Variants in GRIN2B observed in about 807,000 individuals in gnomAD.
GRIN2B encodes glutamate ionotropic receptor NMDA type subunit 2B, also known as glutamate receptor ionotropic, NMDA 2B.
Under a neutral mutation model 114.5 loss-of-function variants are expected in GRIN2B, and 5 were observed. The ratio of observed to expected loss-of-function variants is 0.04; its 90% confidence interval spans 0.02 to 0.09. The LOEUF is 0.09. Among genes scored for constraint, GRIN2B ranks in the 10% least tolerant of loss-of-function variants. The pLI, the probability that GRIN2B is intolerant of heterozygous loss-of-function variation, is 1.00. For missense variants in GRIN2B, 1,108 were observed against 1,943.5 expected (o/e 0.57, Z 8.08); for synonymous variants, 787 against 745.1 (o/e 1.06, Z -0.92).
At chr12:13,584,168 G>C (rs1454344417) in intron 10 of GRIN2B, among the ~76,000 whole-genome samples, 1 of 152,058 alleles carries the variant, frequency 6.6e-6, no homozygotes, top group Non-Finnish European at 1.5e-5. Flanking sequence ...AGCCACACTG[G>C]CTTCCTCGCA....
rs1330973975 is a variant in GRIN2B at position 13,564,135 on chromosome 12, G to C, written c.3103C>G (p.Leu1035Val). The C allele has an allele frequency of 6.2e-7, 1 of 1,614,194 alleles. No individual in the cohort carries two copies. The highest frequency in any genetic ancestry group is 8.5e-7 in the Non-Finnish European group (1 of 1,180,038). Residue 1035 changes from leucine to valine, a missense_variant, in exon 14 of 14, where the codon CTC becomes GTC. Leu to Val is a conservative substitution (Grantham distance 32). This residue lies in a region of GRIN2B where 140 missense variants were observed against 187.5 expected (regional missense o/e 0.75). Coordinates refer to ENST00000609686, the MANE Select transcript of GRIN2B (RefSeq NM_000834.5). The surrounding 1 kb of genome is among the most constrained non-coding windows in gnomAD (Gnocchi z 4.8). ...IGLPSSKHSQ[L>V]SDLYGKFSFK... ...GAGAATTTGCCGTACAGGTCACTGA[G>C]CTGGCTGTGCTTGGAGGAGGGGAGG...
At position 13,899,522 on chromosome 12, in the gene GRIN2B, G is replaced by A. The variant is rs1365261830; in HGVS notation, c.-18-33296C>T. On this transcript the variant is annotated intron_variant, in intron 2 of 13. Coordinates refer to ENST00000609686, the MANE Select transcript of GRIN2B (RefSeq NM_000834.5). ...GGGGTGTTGTCTCCTCTTGGCCCAG[G>A]CATTTTTGTTAGGCACACAGCATAG... 2.1e-5 allele frequency among the ~76,000 whole-genome samples: 3 copies of A among 143,472 alleles called. No homozygotes were observed. In the South Asian group the frequency reaches 6.6e-4, roughly 32 times the overall value. 94.1% of individuals were successfully genotyped at this position (143,472 alleles called of 152,430 possible).
chr12:13,600,447 C>T (rs908366806), intron 10 of GRIN2B, among the ~76,000 whole-genome samples: 4 of 151,950 alleles, frequency 2.6e-5, no homozygotes, highest in Non-Finnish European at 5.9e-5. Flanking sequence ...ACTATTTATC[C>T]AGTTATCTTG....
intron 3 of GRIN2B, among the ~76,000 whole-genome samples, chr12:13,839,380 T>C (rs1865341092): frequency 6.6e-6 from 1 of 152,214 alleles, no homozygotes; most frequent in Non-Finnish European, 1.5e-5. Flanking sequence ...TAGAATATTT[T>C]CCAGTTGGAG....
intron 3 of GRIN2B, among the ~76,000 whole-genome samples, chr12:13,775,047 G>A (rs1863978920): frequency 6.6e-6 from 1 of 152,084 alleles, no homozygotes; most frequent in Admixed American, 6.5e-5. Flanking sequence ...AGGCATTCAT[G>A]GGATTAGAGG....
intron 4 of GRIN2B, among the ~76,000 whole-genome samples, chr12:13,708,800 T>C (rs965866920): frequency 3.3e-5 from 5 of 152,094 alleles, no homozygotes; most frequent in African/African-American, 1.2e-4. Context: ...CACTAGTGTT[T>C]TCTTTGTTTA....
chr12:13,557,525 A>G lies in GRIN2B; in HGVS notation c.*5258T>C, dbSNP rs1948490398. On this transcript the variant is annotated 3_prime_UTR_variant, in exon 14 of 14. Transcript: ENST00000609686. ...CAGTAACATGTAATGGAGGAGAAGC[A>G]TCACTCTTCTATTTTCTATGGAAAG... 6.6e-6 allele frequency: 1 copy of G among 152,246 alleles called. No homozygotes were observed. The highest frequency in any genetic ancestry group is 2.1e-4 in the South Asian group (1 of 4,834). The allele number at this position is 152,246 out of a possible 1,614,324, so 9.4% of individuals were successfully genotyped here.
chr12:13,941,030 C>G (rs1402828861), intron 2 of GRIN2B, among the ~76,000 whole-genome samples: 1 of 151,502 alleles, frequency 6.6e-6, no homozygotes, highest in Non-Finnish European at 1.5e-5. Context: ...TGCTAGTGCC[C>G]CACTAGCTTC....
chr12:13,612,933 T>A (rs1233433458), intron 8 of GRIN2B, among the ~76,000 whole-genome samples: 1 of 152,236 alleles, frequency 6.6e-6, no homozygotes, highest in Non-Finnish European at 1.5e-5. Context: ...AGATGAAGTT[T>A]AAAAAGGGGA....
intron 3 of GRIN2B, among the ~76,000 whole-genome samples, chr12:13,820,393 T>C (rs1003880924): frequency 6.6e-6 from 1 of 152,226 alleles, no homozygotes; most frequent in Non-Finnish European, 1.5e-5. Flanking sequence ...AATAAATATT[T>C]ATTAAGCACC....
chr12:13,650,597 A>C (rs1949804108), intron 5 of GRIN2B, among the ~76,000 whole-genome samples: 1 of 152,010 alleles, frequency 6.6e-6, no homozygotes, highest in South Asian at 2.1e-4. Flanking sequence ...CATGAACATC[A>C]ATTGGCAAAT....
chr12:13,947,145 A>G (rs1013500492), intron 2 of GRIN2B, among the ~76,000 whole-genome samples: 59 of 152,188 alleles, frequency 3.9e-4, no homozygotes, highest in African/African-American at 1.4e-3. Flanking sequence ...GTCTTCATGT[A>G]CTCACAAAAG....
At chr12:13,644,771 T>A (rs1263514708) in intron 5 of GRIN2B, among the ~76,000 whole-genome samples, 2 of 152,204 alleles carry the variant, frequency 1.3e-5, no homozygotes, top group Non-Finnish European at 2.9e-5. Flanking sequence ...ACTTTTATGT[T>A]ATGAACATGG....
At chr12:13,938,652 C>T (rs572431930) in intron 2 of GRIN2B, among the ~76,000 whole-genome samples, 1 of 152,200 alleles carries the variant, frequency 6.6e-6, no homozygotes, top group Non-Finnish European at 1.5e-5. Context: ...TGTGTAATTC[C>T]ATTTATATGA....
At chr12:13,605,065 C>A (rs1242836619) in intron 10 of GRIN2B, among the ~76,000 whole-genome samples, 1 of 128,848 alleles carries the variant, frequency 7.8e-6, no homozygotes, top group African/African-American at 2.9e-5. Context: ...TCTCTCCCCA[C>A]AGACTCTTTT....
At chr12:13,608,155 G>C (rs1161126780) in intron 10 of GRIN2B, among the ~76,000 whole-genome samples, 1 of 152,198 alleles carries the variant, frequency 6.6e-6, no homozygotes, top group East Asian at 1.9e-4. Context: ...CTCAGCCCCA[G>C]AAACACGAGT....
chr12:13,639,042 G>A (rs1301670015), intron 5 of GRIN2B, among the ~76,000 whole-genome samples: 1 of 152,148 alleles, frequency 6.6e-6, no homozygotes, highest in Non-Finnish European at 1.5e-5. Context: ...CATACACAGT[G>A]AGCTAAGTTA....
At chr12:13,653,235 A>G (rs1454581800) in intron 5 of GRIN2B, among the ~76,000 whole-genome samples, 1 of 152,158 alleles carries the variant, frequency 6.6e-6, no homozygotes, top group Non-Finnish European at 1.5e-5. Flanking sequence ...CAACATCGAT[A>G]CAAGAGGAGA....
At chr12:13,721,458 G>A (rs190546724) in intron 4 of GRIN2B, among the ~76,000 whole-genome samples, 25 of 152,084 alleles carry the variant, frequency 1.6e-4, no homozygotes, top group Admixed American at 1.6e-3. Flanking sequence ...GAGCAGATGA[G>A]ATGATGAAAA....
Sources: allele counts gnomAD v4.1 joint callset (sites outside exome capture counted in the v4.1 genomes callset), GRCh38; gene constraint gnomAD v4.1.1; regional missense constraint gnomAD v4.1.1; non-coding constraint Gnocchi (gnomAD v3.1); transcripts MANE v1.5; gene names NCBI Gene and HGNC (gene_info 2026-07-23, HGNC 2026-07-21).